The following MCC variants were observed in gnomAD, a reference collection of about 807,000 sequenced individuals.
The protein encoded by MCC is MCC regulator of Wnt signaling pathway, also known as colorectal mutant cancer protein.
MCC carries 90 observed loss-of-function variants against 116.2 expected under a neutral mutation model. The ratio of observed to expected loss-of-function variants is 0.77; its 90% CI spans 0.65 to 0.92. The LOEUF is 0.92. Ranked by LOEUF, MCC falls within the 40% of genes least tolerant of loss-of-function variation. The pLI is 0.00. For missense variants in MCC, 1,516 were observed against 1,312.2 expected, an observed-to-expected ratio of 1.16 and a Z score of -2.40; for synonymous variants, 578 against 510.5, an observed-to-expected ratio of 1.13 and a Z score of -1.78.
At chr5:113,245,524 T>C (rs1163853047) in intron 3 of MCC, among the ~76,000 whole-genome samples, 1 of 151,962 alleles carries the variant, frequency 6.6e-6, no homozygotes, top group African/African-American at 2.4e-5. Flanking sequence ...CCTTATGTCC[T>C]TGAAGCAACC....
At chr5:113,271,813 T>C (rs1438903507) in intron 3 of MCC, among the ~76,000 whole-genome samples, 2 of 152,134 alleles carry the variant, frequency 1.3e-5, no homozygotes, top group African/African-American at 2.4e-5. Flanking sequence ...ATGCTGTCCA[T>C]GATGTTATGA....
chr5:113,173,952 T>C (rs1418964406), intron 3 of MCC, among the ~76,000 whole-genome samples: 1 of 152,106 alleles, frequency 6.6e-6, no homozygotes, highest in Non-Finnish European at 1.5e-5. Flanking sequence ...ACAGAGACCT[T>C]TCTACATTAC....
chr5:113,276,355 C>A (rs570906382), intron 3 of MCC, among the ~76,000 whole-genome samples: 1 of 152,270 alleles, frequency 6.6e-6, no homozygotes, highest in Non-Finnish European at 1.5e-5. Context: ...GATTATTTTA[C>A]AAAGACCACC....
At chr5:113,038,848 C>T (rs556827578) in intron 17 of MCC, among the ~76,000 whole-genome samples, 23 of 152,292 alleles carry the variant, frequency 1.5e-4, no homozygotes, top group Admixed American at 3.9e-4. Context: ...TCAGGGGCAT[C>T]CTGTCCCTGG....
chr5:113,396,888 C>G (rs1192812724), intron 1 of MCC, among the ~76,000 whole-genome samples: 1 of 152,112 alleles, frequency 6.6e-6, no homozygotes, highest in African/African-American at 2.4e-5. Flanking sequence ...TCCAAATATT[C>G]CACTTAACTG....
At chr5:113,225,971 C>G (rs1482115301) in intron 3 of MCC, among the ~76,000 whole-genome samples, 1 of 152,232 alleles carries the variant, frequency 6.6e-6, no homozygotes, top group Non-Finnish European at 1.5e-5. Context: ...CCAGGGGTTC[C>G]AGACCAGACT....
In MCC at chr5:113,434,050, C is replaced by G. The variant is rs773858136; in HGVS notation, c.171-48838G>C. 6.8e-6 allele frequency: 11 copies of G among 1,613,926 alleles called. No homozygotes were observed. The highest frequency in any genetic ancestry group is 2.5e-6 in the Non-Finnish European group (3 of 1,179,930). Reference sequence around the variant, plus strand: ...ATCCAGCAGTGGCTGAGGATCTCGTCGATGTGGAGCCGCCGGTTGACGTCG... The same window carrying G: ...ATCCAGCAGTGGCTGAGGATCTCGTGGATGTGGAGCCGCCGGTTGACGTCG... On this transcript the variant is annotated intron_variant, in intron 1 of 18. Transcript: ENST00000408903. The surrounding 1 kb of genome is among the most constrained non-coding windows in gnomAD (Gnocchi z 4.2).
chr5:113,146,895 C>G (rs1216554847), intron 4 of MCC, among the ~76,000 whole-genome samples: 2 of 152,090 alleles, frequency 1.3e-5, no homozygotes, highest in African/African-American at 4.8e-5. Flanking sequence ...ACTGAAGGTA[C>G]AGTACCACAA....
intron 3 of MCC, among the ~76,000 whole-genome samples, chr5:113,324,617 A>C (rs912983421): frequency 6.6e-6 from 1 of 152,218 alleles, no homozygotes; most frequent in Non-Finnish European, 1.5e-5. Context: ...AAAGACACAG[A>C]AAATATAAAG....
At chr5:113,100,966 C>T (rs1418483307) in intron 8 of MCC, among the ~76,000 whole-genome samples, 1 of 152,214 alleles carries the variant, frequency 6.6e-6, no homozygotes, top group African/African-American at 2.4e-5. Context: ...ACAGATCAAA[C>T]TCACAGCCAA....
At chr5:113,041,005 C>T (rs566137050) in intron 17 of MCC, among the ~76,000 whole-genome samples, 1 of 152,294 alleles carries the variant, frequency 6.6e-6, no homozygotes, top group East Asian at 1.9e-4. Flanking sequence ...ATTTCCATCC[C>T]GTGTTTCTGG....
chr5:113,441,974 T>C (rs1310352848), intron 1 of MCC, among the ~76,000 whole-genome samples: 1 of 152,200 alleles, frequency 6.6e-6, no homozygotes, highest in African/African-American at 2.4e-5. Context: ...TGTGTCTTTA[T>C]AGAATGATTT....
intron 3 of MCC, among the ~76,000 whole-genome samples, chr5:113,210,526 A>G (rs1319641535): frequency 6.6e-6 from 1 of 152,214 alleles, no homozygotes; most frequent in Non-Finnish European, 1.5e-5. Context: ...GGATTGAGAA[A>G]GGGACTGAGA....
At chr5:113,424,228 C>T (rs73236479) in intron 1 of MCC, among the ~76,000 whole-genome samples, 1 of 148,472 alleles carries the variant, frequency 6.7e-6, no homozygotes, top group African/African-American at 2.5e-5. Flanking sequence ...ATATCAGGAA[C>T]AACTGAAGAC....
chr5:113,267,209 G>A (rs985353972), intron 3 of MCC, among the ~76,000 whole-genome samples: 1 of 151,922 alleles, frequency 6.6e-6, no homozygotes, highest in South Asian at 2.1e-4. Flanking sequence ...TTCTTTAAAG[G>A]CTGCCCTGGA....
At chr5:113,049,517 A>G (rs1346156651) in intron 15 of MCC, among the ~76,000 whole-genome samples, 1 of 152,262 alleles carries the variant, frequency 6.6e-6, no homozygotes, top group Non-Finnish European at 1.5e-5. Context: ...GCACTTTGTC[A>G]GTCTATGGAC....
intron 1 of MCC, among the ~76,000 whole-genome samples, chr5:113,473,545 A>C (rs1276330965): frequency 5.9e-5 from 9 of 152,082 alleles, no homozygotes; most frequent in Admixed American, 5.2e-4. Context: ...AAAAACAAAA[A>C]CAAAACAAAA....
chr5:113,023,658 A>ATGAT lies in MCC; in HGVS notation c.*3640_*3643dup, dbSNP rs1003038047. 7.2e-5 allele frequency: 11 copies of ATGAT among 152,234 alleles called. No homozygotes were observed. The highest frequency in any genetic ancestry group is 2.7e-4 in the African/African-American group (11 of 41,464). 9.4% of individuals were successfully genotyped at this position (152,234 alleles called of 1,614,324 possible). ...GTAGAGCTGTAAATAGTTTAATAGAATGATTGGGACATACTCCCAATTAAG... is the reference window on the plus strand; with the variant it reads ...GTAGAGCTGTAAATAGTTTAATAGAATGATTGATTGGGACATACTCCCAATTAAG... On this transcript the variant is annotated 3_prime_UTR_variant, in exon 19 of 19. Coordinates refer to ENST00000408903, the MANE Select transcript of MCC (RefSeq NM_001085377.2).
At chr5:113,302,639 G>A (rs1003151437) in intron 3 of MCC, among the ~76,000 whole-genome samples, 1 of 152,156 alleles carries the variant, frequency 6.6e-6, no homozygotes, top group East Asian at 1.9e-4. Flanking sequence ...ATGACATGAT[G>A]TCTGGGATTC....
Sources: gnomAD v4.1 joint callset for allele counts (sites outside exome capture counted in the v4.1 genomes callset) on GRCh38, gnomAD v4.1.1 for gene constraint, Gnocchi (gnomAD v3.1) non-coding constraint, MANE v1.5 for transcripts, NCBI Gene and HGNC (gene_info 2026-07-23, HGNC 2026-07-21) for gene names.